NAV3: variants seen among roughly 807,000 people sequenced by gnomAD.
The protein encoded by NAV3 is neuron navigator 3, also known as pore membrane and/or filament interacting like protein 1.
A neutral mutation model predicts 244.7 loss-of-function variants in NAV3; 87 were observed. That is an observed-to-expected ratio of 0.36 (90% CI 0.30 to 0.42). The LOEUF is 0.42. Ranked by LOEUF, NAV3 falls within the 20% of genes least tolerant of loss-of-function variation. The pLI is 1.00. For synonymous variants in NAV3, 1,126 were observed against 1,042.2 expected (o/e 1.08, Z -1.55); for missense variants, 2,663 against 2,893.3 (o/e 0.92, Z 1.83).
At chr12:77,641,295 A>C (rs979449426) in intron 2 of NAV3, among the ~76,000 whole-genome samples, 1 of 152,046 alleles carries the variant, frequency 6.6e-6, no homozygotes, top group Admixed American at 6.6e-5. Context: ...CATCTCAGTG[A>C]GAAATTTTAA....
intron 2 of NAV3, among the ~76,000 whole-genome samples, chr12:77,647,860 A>C (rs943780373): frequency 6.6e-6 from 1 of 152,100 alleles, no homozygotes; most frequent in Non-Finnish European, 1.5e-5. Context: ...TTCCTATAAC[A>C]TATAAAATAA....
At chr12:77,633,157 A>T (rs560380945) in intron 2 of NAV3, among the ~76,000 whole-genome samples, 1 of 152,238 alleles carries the variant, frequency 6.6e-6, no homozygotes, top group East Asian at 1.9e-4. Context: ...ATATTCTCAC[A>T]ATATTCCTAA....
intron 2 of NAV3, among the ~76,000 whole-genome samples, chr12:77,686,264 C>T (rs552887456): frequency 4.6e-5 from 7 of 151,736 alleles, no homozygotes; most frequent in South Asian, 2.1e-4. Context: ...GGCTAGTTTT[C>T]GTATTTTTGG....
rs140629348 is a variant in NAV3, at chr12:77,677,328, T to G, written c.72+105062T>G. On this transcript the variant is annotated intron_variant, in intron 2 of 8. Transcript: ENST00000550042. Reference sequence around the variant, plus strand: ...AACTTATTCTTTTAAAAAGATAACTTAAATAGATGAAAAAATGGAATGTCA... The same window carrying G: ...AACTTATTCTTTTAAAAAGATAACTGAAATAGATGAAAAAATGGAATGTCA... 3.3e-3 allele frequency among the ~76,000 whole-genome samples: 500 copies of G among 152,250 alleles called. 24 individuals carry two copies. Among genetic ancestry groups the G allele is most frequent in the Admixed American group, 0.03 (463 of 15,294 alleles).
chr12:77,987,214 A>G (rs530880752), intron 5 of NAV3, among the ~76,000 whole-genome samples: 1 of 152,310 alleles, frequency 6.6e-6, no homozygotes, highest in South Asian at 2.1e-4. Context: ...TCACAAATCT[A>G]TGGAGCAATA....
intron 8 of NAV3, among the ~76,000 whole-genome samples, chr12:78,018,729 C>T (rs1303001396): frequency 1.3e-5 from 2 of 152,214 alleles, no homozygotes; most frequent in Admixed American, 6.5e-5. Flanking sequence ...CACTTCTTTG[C>T]AGGCAGCCAG....
chr12:78,052,122 T>C (rs1276430775), intron 11 of NAV3: 1 of 152,224 alleles, frequency 6.6e-6, no homozygotes, highest in Non-Finnish European at 1.5e-5. Flanking sequence ...TCTTTGTCTT[T>C]ACGCATCTGA....
At chr12:77,672,127 T>C (rs1874006015) in intron 2 of NAV3, among the ~76,000 whole-genome samples, 1 of 152,044 alleles carries the variant, frequency 6.6e-6, no homozygotes, top group South Asian at 2.1e-4. Flanking sequence ...AAAGAAGATA[T>C]ACAAATGGCC....
chr12:77,680,746 T>C (rs1346387356), intron 2 of NAV3, among the ~76,000 whole-genome samples: 1 of 151,980 alleles, frequency 6.6e-6, no homozygotes, highest in Non-Finnish European at 1.5e-5. Flanking sequence ...AAGAAAAATA[T>C]CTCTATACAC....
chr12:78,142,887 G>T (rs1956691190), intron 20 of NAV3, among the ~76,000 whole-genome samples: 1 of 151,730 alleles, frequency 6.6e-6, no homozygotes, highest in Non-Finnish European at 1.5e-5. Context: ...TGATATATTT[G>T]AATTGAAAAG....
chr12:77,958,306 T>A (rs547785996), intron 3 of NAV3, among the ~76,000 whole-genome samples: 1 of 152,308 alleles, frequency 6.6e-6, no homozygotes, highest in Non-Finnish European at 1.5e-5. Context: ...ATAGTGGCTG[T>A]GTCTCGAAAT....
intron 2 of NAV3, among the ~76,000 whole-genome samples, chr12:77,619,900 C>G: frequency 6.6e-6 from 1 of 151,950 alleles, no homozygotes; most frequent in East Asian, 1.9e-4. Context: ...CACACACACA[C>G]AGACAGTCTT....
chr12:77,937,901 A>C (rs1216885214), intron 1 of NAV3, among the ~76,000 whole-genome samples: 2 of 152,216 alleles, frequency 1.3e-5, no homozygotes, highest in African/African-American at 4.8e-5. Flanking sequence ...ATGCTTTACA[A>C]GTGCTATCTT....
At chr12:78,045,843 T>G (rs974223985) in intron 9 of NAV3, among the ~76,000 whole-genome samples, 2 of 152,208 alleles carry the variant, frequency 1.3e-5, no homozygotes, top group African/African-American at 4.8e-5. Context: ...AGAATTCGAC[T>G]GTGAATCTGT....
chr12:77,852,039 G>T (rs1356095208), intron 1 of NAV3, among the ~76,000 whole-genome samples: 1 of 152,164 alleles, frequency 6.6e-6, no homozygotes, highest in East Asian at 1.9e-4. Flanking sequence ...TAAGCTTGGA[G>T]AAGTAAGAAC....
At chr12:78,123,786 T>A (rs1955785642) in intron 16 of NAV3, among the ~76,000 whole-genome samples, 1 of 152,226 alleles carries the variant, frequency 6.6e-6, no homozygotes, top group Non-Finnish European at 1.5e-5. Context: ...CCCTATGGTT[T>A]TGCTGTTATA....
At chr12:77,902,837 T>C (rs1172121769) in intron 1 of NAV3, among the ~76,000 whole-genome samples, 2 of 152,142 alleles carry the variant, frequency 1.3e-5, no homozygotes. Context: ...CAAGCATTCT[T>C]ATACACCAAT....
At chr12:78,155,697 T>G (rs911442604) in intron 22 of NAV3, among the ~76,000 whole-genome samples, 3 of 152,152 alleles carry the variant, frequency 2.0e-5, no homozygotes, top group Admixed American at 6.6e-5. Flanking sequence ...ACTTTAATAA[T>G]CACCATTCTG....
At chr12:77,969,720 G>C (rs548068514) in intron 5 of NAV3, among the ~76,000 whole-genome samples, 2 of 152,020 alleles carry the variant, frequency 1.3e-5, no homozygotes, top group Non-Finnish European at 2.9e-5. Flanking sequence ...TGACAGGTGC[G>C]TGTAATCCCA....
Sources: allele counts gnomAD v4.1 joint callset (sites outside exome capture counted in the v4.1 genomes callset), GRCh38; gene constraint gnomAD v4.1.1; transcripts MANE v1.5; gene names NCBI Gene and HGNC (gene_info 2026-07-23, HGNC 2026-07-21).